Variants in TH observed in about 807,000 individuals in gnomAD.
TH encodes tyrosine 3-monooxygenase.
In TH, 49 loss-of-function variants were observed where a neutral mutation model predicts 57.4. That is an observed-to-expected ratio of 0.85 (90% CI 0.68 to 1.08). TH has a LOEUF of 1.08. TH is among the 50% of genes least tolerant of loss of function. The pLI is 0.00. For synonymous variants in TH, 330 were observed against 304.5 expected (o/e 1.08, Z -0.87); for missense variants, 720 against 696.7 (o/e 1.03, Z -0.38).
chr11:2,166,802 G>A (rs1259764255), intron 7 of TH, 34 bp from the exon 8 acceptor site: 1 of 1,549,062 alleles, frequency 6.5e-7, no homozygotes. Context: ...TGCCGAGCCG[G>A]GACGGGCTGG....
Position 2,165,345 on chromosome 11 carries a change from AG to A in TH, c.1220del (p.Pro407LeufsTer51). 6.2e-7 allele frequency: 1 copy of A among 1,611,518 alleles called. No homozygotes were observed. Among genetic ancestry groups the A allele is most frequent in the Non-Finnish European group, 8.5e-7 (1 of 1,179,976 alleles). ...GELLHCLSEE[P>X]EIRAFDPEAA... ...CCTCAGGGTCGAAGGCCCGAATCTC[AG>A]GCTCCTCAGACAGGCAGTGCTGGCA... On this transcript the variant is annotated frameshift_variant, in exon 12 of 13. Transcript: ENST00000352909. LOFTEE classifies it high-confidence loss of function.
rs567678506 is a variant in TH at position 2,166,224 on chromosome 11, C to T, written c.1048-166G>A. On this transcript the variant is annotated intron_variant, in intron 9 of 12. Transcript: ENST00000352909. ...ATCCGCACCTCCACCGGGCCTCCTC[C>T]TCCAGGCAGCCCTCCTTGACCACAT... The T allele has an allele frequency of 5.9e-4, 540 of 916,714 alleles. 1 individual carries two copies. The African/African-American group carries it at 7.8e-3, about 13-fold the overall frequency. The allele number at this position is 916,714 out of a possible 1,614,324, so 56.8% of individuals were successfully genotyped here. A position where few individuals can be genotyped will look rare whatever the true frequency, so the allele number is the denominator to read the frequency against.
At position 2,167,501 on chromosome 11, in the gene TH, G is replaced by C. The variant is rs373260417; in HGVS notation, c.645-16C>G. On this transcript the variant is annotated splice_polypyrimidine_tract_variant and intron_variant, in intron 5 of 12. Coordinates refer to ENST00000352909, the MANE Select transcript of TH (RefSeq NM_000360.4). ...CGGGTCGCCGCTGGGGAGGGGGCCA[G>C]TGGTCAGCAGGTCCCCTCGGGGAGT... 4 of 1,554,750 alleles carry C rather than the reference G, an allele frequency of 2.6e-6. No homozygotes were observed. The African/African-American group carries it at 4.1e-5, about 16-fold the overall frequency.
rs779782825 is a variant in TH, at chr11:2,168,600, G to A, written c.378C>T (p.Pro126=). 6 of 1,611,878 alleles carry A rather than the reference G, an allele frequency of 3.7e-6. No homozygotes were observed. In the Admixed American group the frequency reaches 8.3e-5, roughly 22 times the overall value. ...CGAGGCGCACGAAGTACTCCAGGTGGGGGCCCCCAGCTCGCGGCCTCTGGG... is the reference window on the plus strand; with the variant it reads ...CGAGGCGCACGAAGTACTCCAGGTGAGGGCCCCCAGCTCGCGGCCTCTGGG... ...RPAQRPRAGG[P]HLEYFVRLEV... is the part of the protein sequence containing the mutation. Residue 126 remains proline (P), a synonymous_variant, in exon 3 of 13, where the codon CCC becomes CCT. Transcript: ENST00000352909.
At position 2,167,322 on chromosome 11, in the gene TH, G is replaced by C; in HGVS notation, c.695+113C>G. ...AGCCCTGCAAGTCCCTCTTCTTCCC[G>C]GCCTTAGTCTCTCCTGTTGTGCCAA... On this transcript the variant is annotated intron_variant, in intron 6 of 12. Transcript: ENST00000352909. The C allele has an allele frequency of 3.1e-6, 4 of 1,277,280 alleles. No homozygotes were observed. The South Asian group carries it at 3.9e-5, about 12-fold the overall frequency. The allele number at this position is 1,277,280 out of a possible 1,614,324, so 79.1% of individuals were successfully genotyped here.
rs1002826159 is a variant in TH, at chr11:2,167,642, C to T, written c.645-157G>A. On this transcript the variant is annotated intron_variant, in intron 5 of 12. Transcript: ENST00000352909. ...GAGGGTGCACCCCAGCTGACTGTGC[C>T]GTGAGCCGGCTATGTGGCCTCGGCA... 57 of 1,101,890 alleles carry T rather than the reference C, an allele frequency of 5.2e-5. No individual in the cohort carries two copies. In the Admixed American group the frequency reaches 7.1e-4, roughly 14 times the overall value. The allele number at this position is 1,101,890 out of a possible 1,614,324, so 68.3% of individuals were successfully genotyped here. A position where few individuals can be genotyped will look rare whatever the true frequency, so the allele number is the denominator to read the frequency against.
chr11:2,165,910 G>C, intron 10 of TH, 92 bp downstream of exon 10: 2 of 1,506,080 alleles, frequency 1.3e-6, no homozygotes, highest in South Asian at 2.4e-5. Flanking sequence ...GTGGGTGGAA[G>C]GAGAGGCCTC....
rs781072328 is a variant in TH at position 2,168,563 on chromosome 11, C to G, written c.415G>C (p.Gly139Arg). The G allele has an allele frequency of 6.2e-7, 1 of 1,611,852 alleles. No homozygotes were observed. The highest frequency in any genetic ancestry group is 1.1e-5 in the South Asian group (1 of 91,000). ...CCACTGAGCAGGGCGGCCAGGTCCC[C>G]TCGGCGCACCTCGAGGCGCACGAAG... ...EYFVRLEVRR[G>R]DLAALLSGVR... The change falls in exon 3 of 13, where the codon GGG (glycine) becomes CGG (arginine). Residue 139 changes from glycine to arginine, a missense_variant. Coordinates refer to ENST00000352909, the MANE Select transcript of TH (RefSeq NM_000360.4).
intron 6 of TH, 40 bp downstream of exon 6, chr11:2,167,395 C>T (rs1441875087): frequency 1.3e-6 from 2 of 1,549,852 alleles, no homozygotes; most frequent in South Asian, 1.2e-5. Flanking sequence ...GAGGCATCCC[C>T]CGGGCTCCTC....
In TH at chr11:2,166,935, G is replaced by C. The variant is rs1203763637; in HGVS notation, c.793C>G (p.Arg265Gly). Residue 265 changes from arginine to glycine, a missense_variant, in exon 7 of 13, where the codon CGG (arginine) becomes GGG (glycine). Arg to Gly is a moderately radical substitution (Grantham distance 125). Transcript: ENST00000352909. ...FALLERFSGY[R>G]EDNIPQLEDV... ...TCCAGCTGGGGGATATTGTCTTCCC[G>C]GTAGCCGCTGAAGCGCTCCAGCAAA... is the stretch of plus-strand genomic sequence containing the variant. 4.6e-5 allele frequency: 74 copies of C among 1,600,474 alleles called. No homozygotes were observed. The highest frequency in any genetic ancestry group is 6.1e-5 in the Non-Finnish European group (72 of 1,174,810).
intron 6 of TH, 118 bp from the exon 7 acceptor site, chr11:2,167,150 C>T (rs1316737658): frequency 5.4e-5 from 77 of 1,432,330 alleles, no homozygotes; most frequent in Non-Finnish European, 6.7e-5. Flanking sequence ...CTCTTGGGGA[C>T]CCCTGAAGAC....
In TH at chr11:2,164,297, C is replaced by T. The variant is rs78426052; in HGVS notation, c.1430G>A (p.Arg477His). The T allele has an allele frequency of 1.6e-5, 24 of 1,514,264 alleles. No homozygotes were observed. The highest frequency in any genetic ancestry group is 3.5e-4 in the Middle Eastern group (2 of 5,646). 93.8% of individuals were successfully genotyped at this position (1,514,264 alleles called of 1,614,324 possible). A position where few individuals can be genotyped will look rare whatever the true frequency, so the allele number is the denominator to read the frequency against. The stretch of plus-strand genomic sequence containing the variant: ...CTCATCCTGGACACCCTCCAGGGAG[C>T]GCCGCACGGCCTGGGGGCTGTCCAG... ...DVLDSPQAVR[R>H]SLEGVQDELD... is the part of the protein sequence containing the mutation. The change falls in exon 13 of 13, where the codon CGC (arginine) becomes CAC (histidine). Residue 477 changes from arginine to histidine, a missense_variant. By Grantham distance (29) the Arg-to-His change is conservative (BLOSUM62 0). Coordinates refer to ENST00000352909, the MANE Select transcript of TH (RefSeq NM_000360.4).
At chr11:2,167,065 C>A in intron 6 of TH, 33 bp from the exon 7 acceptor site, 1 of 1,561,310 alleles carries the variant, frequency 6.4e-7, no homozygotes, top group South Asian at 1.2e-5. Context: ...CCCTCTAATG[C>A]CCCACCCCAG....
chr11:2,169,950 G>A (rs1451071906), intron 1 of TH, 79 bp from the exon 2 acceptor site: 26 of 1,403,720 alleles, frequency 1.9e-5, no homozygotes, highest in Admixed American at 9.7e-5. Context: ...TCCCACAGTC[G>A]GGCAGCGCTG....
At position 2,166,707 on chromosome 11, in the gene TH, G is replaced by A; in HGVS notation, c.903C>T (p.Ala301=). The A allele has an allele frequency of 6.4e-7, 1 of 1,553,922 alleles. No homozygotes were observed. The highest frequency in any genetic ancestry group is 1.2e-5 in the South Asian group (1 of 84,384). ...AGLLSARDFL[A]SLAFRVFQCT... is the part of the protein sequence containing the mutation. Reference sequence around the variant, plus strand: ...ACTGGAACACGCGGAAGGCCAGGCTGGCCAGGAAGTCCCGGGCGGACAGCA... The same window carrying A: ...ACTGGAACACGCGGAAGGCCAGGCTAGCCAGGAAGTCCCGGGCGGACAGCA... The change falls in exon 8 of 13, where the codon GCC becomes GCT. Residue 301 remains alanine (A), a synonymous_variant. Transcript: ENST00000352909.
At position 2,167,001 on chromosome 11, in the gene TH, A is replaced by G. The variant is rs1196330512; in HGVS notation, c.727T>C (p.Tyr243His). 3.1e-6 allele frequency: 5 copies of G among 1,589,048 alleles called. No individual in the cohort carries two copies. The highest frequency in any genetic ancestry group is 3.3e-4 in the Middle Eastern group (2 of 6,032). The change falls in exon 7 of 13, where the codon TAC becomes CAC. Residue 243 changes from tyrosine to histidine, a missense_variant. Physicochemically the swap from Tyr to His is moderately conservative, Grantham distance 83. Transcript: ENST00000352909. ...TGCTCCCCGCAGGCGTGCGTGGCGT[A>G]GAGGCCCTTCAGCGTGGTGTAGACC... ...KEVYTTLKGL[Y>H]ATHACGEHLE...
Position 2,168,580 on chromosome 11 carries a change from C to T in TH, c.398G>A (p.Arg133His), listed in dbSNP as rs376881948. The T allele has an allele frequency of 6.9e-5, 111 of 1,611,722 alleles. No homozygotes were observed. The highest frequency in any genetic ancestry group is 1.7e-4 in the Middle Eastern group (1 of 5,948). Reference sequence around the variant, plus strand: ...CAGGTCCCCTCGGCGCACCTCGAGGCGCACGAAGTACTCCAGGTGGGGGCC... The same window carrying T: ...CAGGTCCCCTCGGCGCACCTCGAGGTGCACGAAGTACTCCAGGTGGGGGCC... ...AGGPHLEYFV[R>H]LEVRRGDLAA... Residue 133 changes from arginine (R) to histidine (H), a missense_variant, in exon 3 of 13, where the codon CGC becomes CAC. Transcript: ENST00000352909.
At position 2,170,801 on chromosome 11, in the gene TH, G is replaced by A. The variant is rs780292616; in HGVS notation, c.90+896C>T. The A allele has an allele frequency of 1.1e-6, 1 of 885,574 alleles. No homozygotes were observed. The highest frequency in any genetic ancestry group is 1.5e-5 in the South Asian group (1 of 65,402). The allele number at this position is 885,574 out of a possible 1,614,324, so 54.9% of individuals were successfully genotyped here. A position where few individuals can be genotyped will look rare whatever the true frequency, so the allele number is the denominator to read the frequency against. On this transcript the variant is annotated intron_variant, in intron 1 of 12. Coordinates refer to ENST00000352909, the MANE Select transcript of TH (RefSeq NM_000360.4). The surrounding 1 kb of genome is among the most constrained non-coding windows in gnomAD (Gnocchi z 6.0). ...GAGGGGATGCCTGATGGGGAGCCTG[G>A]TGGGGGAGGGTAGGGGAGGGCGGGG...
At chr11:2,164,875 G>A (rs1017387830) in intron 12 of TH, among the ~76,000 whole-genome samples, 3 of 152,086 alleles carry the variant, frequency 2.0e-5, no homozygotes, top group South Asian at 2.1e-4. Flanking sequence ...CCCCACTCCC[G>A]CCCTGTCCCC....
Sources: allele counts gnomAD v4.1 joint callset (sites outside exome capture counted in the v4.1 genomes callset), GRCh38; gene constraint gnomAD v4.1.1; non-coding constraint Gnocchi (gnomAD v3.1); transcripts MANE v1.5; gene names NCBI Gene and HGNC (gene_info 2026-07-23, HGNC 2026-07-21).